TDRD9: variants seen among roughly 807,000 people sequenced by gnomAD.
TDRD9 encodes the protein tudor domain containing 9, also known as ATP-dependent RNA helicase TDRD9.
In TDRD9, 124 loss-of-function variants were observed where a neutral mutation model predicts 172.6. The observed-to-expected ratio is 0.72, with a 90% CI of 0.62 to 0.83. The LOEUF (loss-of-function observed/expected upper bound fraction) is 0.83, where lower values mean the gene tolerates loss of function less well. Among genes scored for constraint, TDRD9 ranks in the 40% least tolerant of loss-of-function variants. TDRD9 has a pLI of 0.00. For synonymous variants in TDRD9, 619 were observed against 617.1 expected, an observed-to-expected ratio of 1.00 and a Z score of -0.05; for missense variants, 1,479 against 1,714.1, an observed-to-expected ratio of 0.86 and a Z score of 2.42.
intron 34 of TDRD9, among the ~76,000 whole-genome samples, chr14:104,049,225 C>G (rs1337061985): frequency 6.6e-6 from 1 of 151,902 alleles, no homozygotes; most frequent in Non-Finnish European, 1.5e-5. Flanking sequence ...ACTCTTTACT[C>G]CCTCATTGTT....
intron 31 of TDRD9, 30 bp from the exon 32 acceptor site, chr14:104,034,930 C>G: frequency 6.6e-7 from 1 of 1,522,564 alleles, no homozygotes; most frequent in Non-Finnish European, 8.9e-7. Context: ...TGAGTTAATG[C>G]CCGATGTTGA....
chr14:103,947,538 C>T (rs1271388067), intron 1 of TDRD9, among the ~76,000 whole-genome samples: 1 of 151,986 alleles, frequency 6.6e-6, no homozygotes, highest in Non-Finnish European at 1.5e-5. Context: ...CCGTGTTTGC[C>T]AGATGGTCTG....
intron 1 of TDRD9, among the ~76,000 whole-genome samples, chr14:103,955,420 A>G (rs1264393943): frequency 6.6e-6 from 1 of 152,192 alleles, no homozygotes; most frequent in East Asian, 1.9e-4. Context: ...CCCATTTACC[A>G]TAAATGTATC....
intron 30 of TDRD9, among the ~76,000 whole-genome samples, chr14:104,032,409 G>A (rs1468123814): frequency 2.0e-5 from 3 of 152,124 alleles, no homozygotes; most frequent in Admixed American, 1.3e-4. Context: ...GTTTCACCAC[G>A]TTGGTCAGGC....
intron 34 of TDRD9, among the ~76,000 whole-genome samples, chr14:104,046,888 C>T (rs949073712): frequency 6.6e-6 from 1 of 152,088 alleles, no homozygotes; most frequent in South Asian, 2.1e-4. Context: ...CTTTGTGATC[C>T]GCCCACCTCG....
Position 104,015,994 on chromosome 14 carries a change from G to C in TDRD9, c.2237G>C (p.Gly746Ala). The C allele has an allele frequency of 6.3e-7, 1 of 1,591,896 alleles. No individual in the cohort carries two copies. The highest frequency in any genetic ancestry group is 1.3e-5 in the African/African-American group (1 of 74,662). The change falls in exon 22 of 36, where the codon GGT (glycine) becomes GCT (alanine). Residue 746 changes from glycine (G) to alanine (A), a missense_variant. Physicochemically the swap from Gly to Ala is moderately conservative, Grantham distance 60. This residue lies in a region of TDRD9 where 1,413 missense variants were observed against 1,649.1 expected (regional missense o/e 0.86). Coordinates refer to ENST00000409874, the MANE Select transcript of TDRD9 (RefSeq NM_153046.3). ...QRFILQVVLA[G>A]AFYPNYFTFG... ...TTTCTTTTTCAGGTTGTATTGGCAG[G>C]TGCTTTCTATCCAAATTACTTTACT...
intron 1 of TDRD9, among the ~76,000 whole-genome samples, chr14:103,954,104 G>C (rs1054223640): frequency 6.6e-6 from 1 of 152,202 alleles, no homozygotes; most frequent in African/African-American, 2.4e-5. Flanking sequence ...GGAAAACATA[G>C]TTGATAGCAT....
intron 6 of TDRD9, among the ~76,000 whole-genome samples, chr14:103,971,268 C>T (rs550684694): frequency 1.7e-4 from 26 of 151,644 alleles, no homozygotes; most frequent in Non-Finnish European, 3.4e-4. Flanking sequence ...CAGGTGTGAG[C>T]CACCGCGCCT....
chr14:103,950,090 C>CTTTTTTTTTTTT (rs58379140), intron 1 of TDRD9, among the ~76,000 whole-genome samples: 3 of 108,458 alleles, frequency 2.8e-5, no homozygotes, highest in Non-Finnish European at 5.3e-5. Context: ...TCCTTCCTTC[C>CTTTTTTTTTTTT]TTTTTTTTTT....
chr14:104,012,171 T>C (rs955129756), intron 20 of TDRD9, among the ~76,000 whole-genome samples: 2 of 152,216 alleles, frequency 1.3e-5, no homozygotes, highest in African/African-American at 2.4e-5. Flanking sequence ...GAGGAAACTG[T>C]TACCCTCATG....
chr14:104,051,890 T>C, intron 35 of TDRD9, 91 bp from the exon 36 acceptor site: 2 of 739,584 alleles, frequency 2.7e-6, no homozygotes, highest in South Asian at 3.3e-5. Flanking sequence ...TGAATTATAC[T>C]TTGTGCATCC....
Position 103,994,595 on chromosome 14 carries a change from T to C in TDRD9, c.1312T>C (p.Tyr438His). 6.2e-7 allele frequency: 1 copy of C among 1,612,680 alleles called. No individual in the cohort carries two copies. Among genetic ancestry groups the C allele is most frequent in the Non-Finnish European group, 8.5e-7 (1 of 1,179,150 alleles). ...TGTCTTTTTAAGTCCAGTCCCTGGG[T>C]ACAGAAAGGTAGGAAAACTGGGAAG... Reference protein sequence around the residue: ...NNVFLSPVPGYRKIILSTNIA... With the variant: ...NNVFLSPVPGHRKIILSTNIA... The change falls in exon 11 of 36, where the codon TAC becomes CAC. Residue 438 changes from tyrosine (Y) to histidine (H), a missense_variant. Tyr to His is a moderately conservative substitution (Grantham distance 83). Transcript: ENST00000409874.
intron 20 of TDRD9, among the ~76,000 whole-genome samples, chr14:104,011,425 G>A (rs575233440): frequency 6.6e-6 from 1 of 152,222 alleles, no homozygotes; most frequent in Admixed American, 6.5e-5. Context: ...ACATCTTTCT[G>A]TACCCAGGAA....
At position 103,940,888 on chromosome 14, in the gene TDRD9, TA is replaced by T. The variant is rs2031184241; in HGVS notation, c.215+12166del. On this transcript the variant is annotated intron_variant, in intron 1 of 35. Coordinates refer to ENST00000409874, the MANE Select transcript of TDRD9 (RefSeq NM_153046.3). Reference sequence around the variant, plus strand: ...CCTGTCCTTTGTGTTTTTGTCTACGTAACTGGAAATGGTGGGTATTTCATCT... The same window carrying T: ...CCTGTCCTTTGTGTTTTTGTCTACGTACTGGAAATGGTGGGTATTTCATCT... The T allele has an allele frequency of 2.0e-6, 3 of 1,535,220 alleles. No individual in the cohort carries two copies. The African/African-American group carries it at 4.1e-5, about 21-fold the overall frequency.
At chr14:103,940,869 C>T in intron 1 of TDRD9, 1 of 1,535,252 alleles carries the variant, frequency 6.5e-7, no homozygotes. Flanking sequence ...GGAACCTGTC[C>T]TTTGTGTTTT....
chr14:103,965,608 T>A, intron 4 of TDRD9, 54 bp downstream of exon 4: 1 of 1,452,924 alleles, frequency 6.9e-7, no homozygotes, highest in Non-Finnish European at 9.4e-7. Flanking sequence ...CTCTATTCCT[T>A]AATTTTATTA....
At chr14:103,956,098 AAAAAAAAAAAAAAATATATAT>A (rs1403813509) in intron 2 of TDRD9, among the ~76,000 whole-genome samples, 6 of 53,620 alleles carry the variant, frequency 1.1e-4, no homozygotes, top group South Asian at 1.5e-3. Flanking sequence ...AAAAAAAAAA[AAAAAAAAAAAAAAATATATAT>A]ATATATATAT....
At chr14:104,040,458 G>A (rs898911147) in intron 33 of TDRD9, 124 bp downstream of exon 33, 2 of 1,096,056 alleles carry the variant, frequency 1.8e-6, no homozygotes, top group African/African-American at 3.2e-5. Context: ...TCCTGGAGAT[G>A]TGCACGTTCC....
chr14:104,046,456 G>A (rs1596033343), intron 34 of TDRD9, among the ~76,000 whole-genome samples: 1 of 152,184 alleles, frequency 6.6e-6, no homozygotes, highest in East Asian at 1.9e-4. Context: ...TAGTGGTGAT[G>A]ACATCATTTA....
Sources: allele counts gnomAD v4.1 joint callset (sites outside exome capture counted in the v4.1 genomes callset), GRCh38; gene constraint gnomAD v4.1.1; regional missense constraint gnomAD v4.1.1; transcripts MANE v1.5; gene names NCBI Gene and HGNC (gene_info 2026-07-23, HGNC 2026-07-21).